The following LTBP1 variants were observed in gnomAD, a reference collection of about 807,000 sequenced individuals.
LTBP1 encodes the protein latent-transforming growth factor beta-binding protein 1.
Under a neutral mutation model 207.6 loss-of-function variants are expected in LTBP1, and 129 were observed. That is an observed-to-expected ratio of 0.62 (90% confidence interval 0.54 to 0.72). The LOEUF is 0.72. LTBP1 is among the 30% of genes least tolerant of loss of function. LTBP1 has a pLI of 0.00. For synonymous variants in LTBP1, 963 were observed against 833.7 expected (o/e 1.16, Z -2.67); for missense variants, 2,281 against 2,217.2 (o/e 1.03, Z -0.58).
chr2:33,194,322 A>G (rs1006770316), intron 7 of LTBP1, among the ~76,000 whole-genome samples: 1 of 152,106 alleles, frequency 6.6e-6, no homozygotes, highest in African/African-American at 2.4e-5. Context: ...AAAATGATTA[A>G]CCTTAGTGAG....
rs1289540119 is a variant in LTBP1 at position 33,388,765 on chromosome 2, C to T, written c.4712-419C>T. Reference sequence around the variant, plus strand: ...ACCAGAGATATATTTATTCCTGTCTCTAGAGAGCGAAAAAGCACCTCTCTG... The same window carrying T: ...ACCAGAGATATATTTATTCCTGTCTTTAGAGAGCGAAAAAGCACCTCTCTG... On this transcript the variant is annotated intron_variant, in intron 31 of 33. Transcript: ENST00000404816. 4.6e-5 allele frequency among the ~76,000 whole-genome samples: 7 copies of T among 152,112 alleles called. No individual in the cohort carries two copies. The South Asian group carries it at 1.5e-3, about 32-fold the overall frequency.
At chr2:33,074,534 C>G (rs190184354) in intron 3 of LTBP1, among the ~76,000 whole-genome samples, 1 of 151,764 alleles carries the variant, frequency 6.6e-6, no homozygotes, top group African/African-American at 2.4e-5. Context: ...GTCAAGAGTT[C>G]GAGACCAGCC....
intron 15 of LTBP1, among the ~76,000 whole-genome samples, chr2:33,272,753 C>A (rs1487123973): frequency 6.6e-6 from 1 of 152,208 alleles, no homozygotes; most frequent in African/African-American, 2.4e-5. Flanking sequence ...TGCTTCTAAC[C>A]ACCAGCTGTG....
At chr2:33,299,908 A>G (rs2093951422) in intron 20 of LTBP1, among the ~76,000 whole-genome samples, 1 of 152,258 alleles carries the variant, frequency 6.6e-6, no homozygotes, top group Non-Finnish European at 1.5e-5. Context: ...AGCAGTCATC[A>G]TAATACTACC....
At chr2:33,120,847 C>T (rs933746036) in intron 4 of LTBP1, among the ~76,000 whole-genome samples, 5 of 152,066 alleles carry the variant, frequency 3.3e-5, no homozygotes, top group Non-Finnish European at 7.4e-5. Flanking sequence ...TAATTTTTTT[C>T]GCAATTAAAC....
chr2:33,102,976 CTGTA>C (rs1351302713), intron 3 of LTBP1, among the ~76,000 whole-genome samples: 1 of 151,824 alleles, frequency 6.6e-6, no homozygotes, highest in Non-Finnish European at 1.5e-5. Context: ...TATGCACTGT[CTGTA>C]TGCACAGTCT....
chr2:33,082,439 T>A (rs961790486), intron 3 of LTBP1, among the ~76,000 whole-genome samples: 6,609 of 23,946 alleles, frequency 0.28, 972 homozygotes, highest in Middle Eastern at 0.62. Context: ...TCACTTTTTT[T>A]TTTTTTTTTT....
At chr2:33,335,608 T>A (rs2149546096) in intron 24 of LTBP1, among the ~76,000 whole-genome samples, 1 of 152,340 alleles carries the variant, frequency 6.6e-6, no homozygotes, top group South Asian at 2.1e-4. Flanking sequence ...CTTTAGGCCT[T>A]GTGCTCATCT....
At chr2:33,282,157 A>G (rs756472018) in intron 19 of LTBP1, among the ~76,000 whole-genome samples, 1 of 151,894 alleles carries the variant, frequency 6.6e-6, no homozygotes, top group Non-Finnish European at 1.5e-5. Context: ...GATGAGTAGA[A>G]TCATAAGCAG....
intron 4 of LTBP1, among the ~76,000 whole-genome samples, chr2:33,123,012 T>G (rs1240685494): frequency 2.0e-5 from 3 of 152,228 alleles, no homozygotes; most frequent in African/African-American, 7.2e-5. Context: ...GCTTGACTTC[T>G]AGAGAGGGAA....
In LTBP1 at chr2:32,947,456, C is replaced by T; in HGVS notation, c.132C>T (p.Pro44=). ...CCGGCCTGGCAGCCGGCGCCTTGCC[C>T]CTGAGCGGGCCCCCGCGTTCGCGGA... ...PGPGLAAGAL[P]LSGPPRSRTF... is the part of the protein sequence containing the mutation. The change falls in exon 1 of 34, where the codon CCC becomes CCT. Residue 44 remains proline, a synonymous_variant. Coordinates refer to ENST00000404816, the MANE Select transcript of LTBP1 (RefSeq NM_206943.4). 6.9e-7 allele frequency: 1 copy of T among 1,443,240 alleles called. No individual in the cohort carries two copies. The highest frequency in any genetic ancestry group is 9.1e-7 in the Non-Finnish European group (1 of 1,100,668). 89.4% of individuals were successfully genotyped at this position (1,443,240 alleles called of 1,614,324 possible).
rs186530773 is a variant in LTBP1 at position 33,241,865 on chromosome 2, C to T, written c.1877-1797C>T. On this transcript the variant is annotated intron_variant, in intron 9 of 33. Coordinates refer to ENST00000404816, the MANE Select transcript of LTBP1 (RefSeq NM_206943.4). Reference sequence around the variant, plus strand: ...TGGTTTTCTTAAAAAGAATGAGTTACGGGGGAATATTTTCAGTTACATGCT... The same window carrying T: ...TGGTTTTCTTAAAAAGAATGAGTTATGGGGGAATATTTTCAGTTACATGCT... Among the ~76,000 whole-genome samples the T allele has an allele frequency of 4.6e-5, 7 of 152,176 alleles. No individual in the cohort carries two copies. The East Asian group carries it at 5.8e-4, about 13-fold the overall frequency.
At position 33,193,168 on chromosome 2, in the gene LTBP1, G is replaced by A. The variant is rs375605426; in HGVS notation, c.1701+4317G>A. Among the ~76,000 whole-genome samples, 18 of 152,276 alleles carry A rather than the reference G, an allele frequency of 1.2e-4. No homozygotes were observed. The East Asian group carries it at 2.1e-3, about 18-fold the overall frequency. ...TTTTGTTTGTTTGTTTTGAGATGGA[G>A]TCTCTCACTCTGTGGCCCAAGCTGG... On this transcript the variant is annotated intron_variant, in intron 7 of 33. Transcript: ENST00000404816.
Position 33,398,748 on chromosome 2 carries a change from A to T in LTBP1, c.*203A>T, listed in dbSNP as rs113801619. On this transcript the variant is annotated 3_prime_UTR_variant, in exon 34 of 34. Coordinates refer to ENST00000404816, the MANE Select transcript of LTBP1 (RefSeq NM_206943.4). ...AGACCAAATGGACATTTCTCTAAAA[A>T]ACCAGTATATATAGTCTGTTCATAT... The T allele has an allele frequency of 4.7e-3, 2,213 of 469,390 alleles. 34 individuals are homozygous for T. Among genetic ancestry groups the T allele is most frequent in the African/African-American group, 0.04 (2,003 of 50,608 alleles). The allele number at this position is 469,390 out of a possible 1,614,324, so 29.1% of individuals were successfully genotyped here. A position where few individuals can be genotyped will look rare whatever the true frequency, so the allele number is the denominator to read the frequency against.
intron 10 of LTBP1, among the ~76,000 whole-genome samples, chr2:33,250,903 G>A (rs754962056): frequency 5.3e-5 from 8 of 152,138 alleles, no homozygotes; most frequent in Non-Finnish European, 1.0e-4. Context: ...ACACCAGCAT[G>A]GACTGCGTGA....
At chr2:33,319,980 C>A (rs148470320) in intron 24 of LTBP1, among the ~76,000 whole-genome samples, 1 of 152,192 alleles carries the variant, frequency 6.6e-6, no homozygotes, top group African/African-American at 2.4e-5. Flanking sequence ...GTGTGCCATC[C>A]ACTGTTCTAG....
chr2:32,947,069 C>G lies in LTBP1; in HGVS notation c.-256C>G, dbSNP rs112650844. 0.22 allele frequency: 65,751 copies of G among 299,118 alleles called. 8,563 individuals carry two copies. The highest frequency in any genetic ancestry group is 0.51 in the East Asian group (9,312 of 18,268). 18.5% of individuals were successfully genotyped at this position (299,118 alleles called of 1,614,324 possible). On this transcript the variant is annotated 5_prime_UTR_variant, in exon 1 of 34. Transcript: ENST00000404816. Reference sequence around the variant, plus strand: ...CTCACCTTGCGCGGCCCGCTCCCCTCGCCCCTCCCCGCTCCCCGGGCTCCG... The same window carrying G: ...CTCACCTTGCGCGGCCCGCTCCCCTGGCCCCTCCCCGCTCCCCGGGCTCCG...
chr2:33,365,650 TAG>T, intron 31 of LTBP1, 147 bp downstream of exon 31: 4 of 741,350 alleles, frequency 5.4e-6, no homozygotes, highest in South Asian at 2.0e-5. Context: ...TGTGTGTGTG[TAG>T]GGCAGAACTG....
chr2:33,243,352 A>G (rs544618595), intron 9 of LTBP1, among the ~76,000 whole-genome samples: 23 of 152,320 alleles, frequency 1.5e-4, no homozygotes, highest in Admixed American at 2.0e-4. Flanking sequence ...CCTTACCTAT[A>G]TGCTCCATAA....
Sources: gnomAD v4.1 joint callset for allele counts (sites outside exome capture counted in the v4.1 genomes callset) on GRCh38, gnomAD v4.1.1 for gene constraint, MANE v1.5 for transcripts, NCBI Gene and HGNC (gene_info 2026-07-23, HGNC 2026-07-21) for gene names.